The following VDAC1 variants were observed in gnomAD, a reference collection of about 807,000 sequenced individuals.
VDAC1 encodes the protein non-selective voltage-gated ion channel VDAC1.
A neutral mutation model predicts 34.7 loss-of-function variants in VDAC1; 10 were observed. The ratio of observed to expected loss-of-function variants is 0.29; its 90% CI spans 0.18 to 0.49. The LOEUF (loss-of-function observed/expected upper bound fraction) is 0.49. Among genes scored for constraint, VDAC1 ranks in the 20% least tolerant of loss-of-function variants. VDAC1 has a pLI of 0.99. For synonymous variants in VDAC1, 130 were observed against 136.0 expected, an observed-to-expected ratio of 0.96 and a Z score of 0.30; for missense variants, 230 against 347.9, an observed-to-expected ratio of 0.66 and a Z score of 2.69.
chr5:134,073,858 A>G, the VDAC1 span, among the ~76,000 whole-genome samples: 1 of 152,200 alleles, frequency 6.6e-6, no homozygotes, highest in Non-Finnish European at 1.5e-5. Flanking sequence ...TTTTGTATCT[A>G]CATACTTAAC....
At chr5:134,112,615 AGATG>A in the VDAC1 span, among the ~76,000 whole-genome samples, 1 of 152,208 alleles carries the variant, frequency 6.6e-6, no homozygotes, top group Admixed American at 6.5e-5. Context: ...GGGAGTTAAC[AGATG>A]GGGAAAAAAA....
chr5:134,054,556 G>A, the VDAC1 span, among the ~76,000 whole-genome samples: 14 of 148,152 alleles, frequency 9.4e-5, no homozygotes, highest in Admixed American at 9.5e-4. Flanking sequence ...TGCCTCCCAG[G>A]TTCAAGCAAT....
the VDAC1 span, among the ~76,000 whole-genome samples, chr5:134,031,293 T>G: frequency 2.0e-4 from 31 of 151,952 alleles, 1 homozygote; most frequent in African/African-American, 7.3e-4. Context: ...TTAAATTTAC[T>G]TAGTTAAAAA....
chr5:134,010,803 CAA>C, the VDAC1 span, among the ~76,000 whole-genome samples: 1 of 152,154 alleles, frequency 6.6e-6, no homozygotes, highest in African/African-American at 2.4e-5. Context: ...CAAAACAAAA[CAA>C]AAACTACTTC....
At chr5:134,051,028 T>G in the VDAC1 span, among the ~76,000 whole-genome samples, 4 of 152,246 alleles carry the variant, frequency 2.6e-5, no homozygotes, top group Non-Finnish European at 5.9e-5. Context: ...GTATGTGTTG[T>G]GCCCTGCACA....
At chr5:134,036,032 A>T in the VDAC1 span, among the ~76,000 whole-genome samples, 9 of 150,732 alleles carry the variant, frequency 6.0e-5, no homozygotes, top group Non-Finnish European at 1.2e-4. Flanking sequence ...AAAAATTCCC[A>T]TTTGCCAAAC....
the VDAC1 span, among the ~76,000 whole-genome samples, chr5:134,096,138 A>G: frequency 6.6e-6 from 1 of 151,874 alleles, no homozygotes; most frequent in African/African-American, 2.4e-5. Context: ...TCCTTTCCCC[A>G]GGGCCCGGGA....
rs773728218 is a variant in VDAC1 at position 133,980,929 on chromosome 5, C to T, written c.351G>A (p.Gly117=). Residue 117 remains glycine, a synonymous_variant, in exon 6 of 9, where the codon GGG becomes GGA. Transcript: ENST00000265333. ...TGKKNAKIKT[G]YKREHINLGC... ...CCAGGTTAATGTGCTCCCGCTTGTACCCTGTCTTGATTTTAGCATTTTTTT... is the reference window on the plus strand; with the variant it reads ...CCAGGTTAATGTGCTCCCGCTTGTATCCTGTCTTGATTTTAGCATTTTTTT... 4 of 1,613,900 alleles carry T rather than the reference C, an allele frequency of 2.5e-6. No individual in the cohort carries two copies. The Admixed American group carries it at 6.7e-5, about 27-fold the overall frequency.
chr5:134,055,218 G>T, the VDAC1 span, among the ~76,000 whole-genome samples: 2 of 152,198 alleles, frequency 1.3e-5, no homozygotes, highest in South Asian at 4.1e-4. Context: ...GGGGTGTAGG[G>T]TGGATATGGG....
the VDAC1 span, among the ~76,000 whole-genome samples, chr5:134,055,683 T>C: frequency 0.015 from 2,150 of 145,764 alleles, 28 homozygotes; most frequent in Non-Finnish European, 0.024. Flanking sequence ...CCGCCATGGC[T>C]TCCCAAAGTG....
chr5:134,067,818 C>T, the VDAC1 span, among the ~76,000 whole-genome samples: 2 of 152,070 alleles, frequency 1.3e-5, no homozygotes. Flanking sequence ...ACAAAAGAAC[C>T]TTAGAATGCT....
the VDAC1 span, among the ~76,000 whole-genome samples, chr5:134,014,919 T>C: frequency 1.3e-5 from 2 of 152,130 alleles, no homozygotes; most frequent in Admixed American, 6.6e-5. Context: ...TGTAGGTTTG[T>C]CACAGCGTGA....
the VDAC1 span, among the ~76,000 whole-genome samples, chr5:134,056,101 C>T: frequency 1.3e-5 from 2 of 151,988 alleles, no homozygotes; most frequent in Non-Finnish European, 1.5e-5. Flanking sequence ...AGTAGCTGGA[C>T]GTGGTGGCAT....
At chr5:134,111,558 A>T in the VDAC1 span, among the ~76,000 whole-genome samples, 10 of 152,102 alleles carry the variant, frequency 6.6e-5, no homozygotes, top group African/African-American at 2.4e-4. Context: ...ACACACTGAG[A>T]TCTGTCTGGT....
the VDAC1 span, among the ~76,000 whole-genome samples, chr5:134,108,808 A>T: frequency 1.3e-5 from 2 of 152,096 alleles, no homozygotes; most frequent in African/African-American, 4.8e-5. Context: ...GGCCTAGTTC[A>T]CCTAGGTCCC....
chr5:134,036,796 A>G, the VDAC1 span, among the ~76,000 whole-genome samples: 1 of 152,004 alleles, frequency 6.6e-6, no homozygotes, highest in South Asian at 2.1e-4. Flanking sequence ...TACTAAAAAT[A>G]CAAAGAATTA....
chr5:134,050,989 G>A, the VDAC1 span, among the ~76,000 whole-genome samples: 2 of 152,342 alleles, frequency 1.3e-5, no homozygotes, highest in African/African-American at 4.8e-5. Flanking sequence ...TGAGGGGAGA[G>A]TTGGCAGTGT....
At chr5:134,040,489 C>T in the VDAC1 span, among the ~76,000 whole-genome samples, 45 of 151,896 alleles carry the variant, frequency 3.0e-4, no homozygotes, top group Non-Finnish European at 1.5e-4. Flanking sequence ...GTGGGAGAAT[C>T]GCTTGAACCC....
In VDAC1 at chr5:133,991,085, T is replaced by C. The variant is rs1753085464; in HGVS notation, c.187A>G (p.Arg63Gly). ...KVTGSLETKY[R>G]WTEYGLTFTE... ...AACGTCAGGCCGTACTCAGTCCATC[T>C]GTACTTGGTTTCCAGACTGCCCGTC... The change falls in exon 4 of 9, where the codon AGA becomes GGA. Residue 63 changes from arginine (R) to glycine (G), a missense_variant. By Grantham distance (125) the Arg-to-Gly change is moderately radical. Coordinates refer to ENST00000265333, the MANE Select transcript of VDAC1 (RefSeq NM_003374.3). 1.2e-6 allele frequency: 2 copies of C among 1,613,980 alleles called. No homozygotes were observed. Among genetic ancestry groups the C allele is most frequent in the African/African-American group, 2.7e-5 (2 of 74,936 alleles).
Sources: gnomAD v4.1 joint callset for allele counts (sites outside exome capture counted in the v4.1 genomes callset) on GRCh38, gnomAD v4.1.1 for gene constraint, MANE v1.5 for transcripts, NCBI Gene and HGNC (gene_info 2026-07-23, HGNC 2026-07-21) for gene names.